The following SEMA3A variants were observed in gnomAD, a reference collection of about 807,000 sequenced individuals.
SEMA3A encodes the protein semaphorin-3A.
Under a neutral mutation model 97.9 loss-of-function variants are expected in SEMA3A, and 29 were observed. That is an observed-to-expected ratio of 0.30 (90% CI 0.22 to 0.40). The LOEUF is 0.40. Ranked by LOEUF, SEMA3A falls within the 10% of genes least tolerant of loss-of-function variation. The pLI, the probability that SEMA3A is intolerant of heterozygous loss-of-function variation, is 1.00. For synonymous variants in SEMA3A, 321 were observed against 323.7 expected, an observed-to-expected ratio of 0.99 and a Z score of 0.09; for missense variants, 763 against 951.3, an observed-to-expected ratio of 0.80 and a Z score of 2.60.
intron 3 of SEMA3A, among the ~76,000 whole-genome samples, chr7:84,112,527 A>C (rs1795305321): frequency 6.6e-6 from 1 of 152,210 alleles, no homozygotes; most frequent in Admixed American, 6.5e-5. Context: ...CTAATAAAAA[A>C]GGAAAAACAT....
intron 2 of SEMA3A, among the ~76,000 whole-genome samples, chr7:84,368,948 T>G (rs1244566060): frequency 4.0e-5 from 6 of 151,050 alleles, no homozygotes; most frequent in Admixed American, 3.3e-4. Flanking sequence ...TCATGAATCT[T>G]CAGTATAGAT....
chr7:84,010,668 C>T (rs1309987429), intron 9 of SEMA3A, among the ~76,000 whole-genome samples: 3 of 152,038 alleles, frequency 2.0e-5, no homozygotes, highest in African/African-American at 4.8e-5. Context: ...TTTTTCCATC[C>T]TTAATTTATA....
At chr7:83,981,603 C>T in intron 13 of SEMA3A, 125 bp from the exon 14 acceptor site, 2 of 835,202 alleles carry the variant, frequency 2.4e-6, no homozygotes, top group Non-Finnish European at 3.5e-6. Context: ...AAAATCATCC[C>T]TTTATTGCTA....
chr7:84,323,250 G>A (rs1162058249), intron 2 of SEMA3A, among the ~76,000 whole-genome samples: 1 of 152,110 alleles, frequency 6.6e-6, no homozygotes, highest in Non-Finnish European at 1.5e-5. Context: ...TAATATTTAT[G>A]TCAATCAAAA....
rs1042447827 is a variant in SEMA3A, at chr7:84,492,268, C to A, written c.-246+192G>T. On this transcript the variant is annotated intron_variant, in intron 1 of 3. Transcript: ENST00000424555. ...TTCCGAGACCTTCTGAATGAGGAGT[C>A]ACTTCAGGAGCATTTAAGTATTAAT... 4.6e-5 allele frequency among the ~76,000 whole-genome samples: 7 copies of A among 152,136 alleles called. No individual in the cohort carries two copies. The South Asian group carries it at 1.2e-3, about 27-fold the overall frequency.
intron 1 of SEMA3A, among the ~76,000 whole-genome samples, chr7:84,160,424 C>G (rs1040158323): frequency 5.3e-5 from 8 of 151,842 alleles, no homozygotes; most frequent in African/African-American, 1.9e-4. Flanking sequence ...GTAGCACATG[C>G]CTGTAGTCCC....
intron 3 of SEMA3A, among the ~76,000 whole-genome samples, chr7:84,249,439 T>C (rs1799556809): frequency 6.6e-6 from 1 of 151,010 alleles, no homozygotes; most frequent in Non-Finnish European, 1.5e-5. Flanking sequence ...TATATAGATA[T>C]ATACATATTT....
At chr7:84,244,026 A>G (rs1455008783) in intron 3 of SEMA3A, among the ~76,000 whole-genome samples, 1 of 152,144 alleles carries the variant, frequency 6.6e-6, no homozygotes, top group Non-Finnish European at 1.5e-5. Flanking sequence ...AATGTAGTCA[A>G]TTTTAGAATA....
chr7:84,304,493 C>T (rs555716194), intron 3 of SEMA3A, among the ~76,000 whole-genome samples: 4 of 151,848 alleles, frequency 2.6e-5, no homozygotes, highest in East Asian at 1.9e-4. Flanking sequence ...AATGGTTTTA[C>T]GAATAAGATG....
At chr7:84,077,102 T>G (rs1793980374) in intron 4 of SEMA3A, among the ~76,000 whole-genome samples, 1 of 152,112 alleles carries the variant, frequency 6.6e-6, no homozygotes, top group Non-Finnish European at 1.5e-5. Context: ...AATTCTATCT[T>G]GGCTAGAATG....
At chr7:84,347,769 C>G (rs770004728) in intron 2 of SEMA3A, among the ~76,000 whole-genome samples, 52 of 152,108 alleles carry the variant, frequency 3.4e-4, no homozygotes, top group Non-Finnish European at 5.6e-4. Context: ...CTCTATGATC[C>G]CTTTCTTATG....
intron 1 of SEMA3A, among the ~76,000 whole-genome samples, chr7:84,154,272 G>A (rs1194698538): frequency 1.3e-5 from 2 of 151,350 alleles, no homozygotes; most frequent in Non-Finnish European, 2.9e-5. Flanking sequence ...AAAATATTTG[G>A]GGGAAAATAG....
intron 1 of SEMA3A, among the ~76,000 whole-genome samples, chr7:84,148,719 A>G (rs1456633779): frequency 6.6e-6 from 1 of 152,150 alleles, no homozygotes; most frequent in Non-Finnish European, 1.5e-5. Flanking sequence ...CACCCCTAAC[A>G]CAGCAAGATG....
At chr7:84,215,359 TG>T (rs1434025757) in intron 3 of SEMA3A, among the ~76,000 whole-genome samples, 1 of 151,516 alleles carries the variant, frequency 6.6e-6, no homozygotes, top group Non-Finnish European at 1.5e-5. Flanking sequence ...CTAATTTTTT[TG>T]TATTTTTCAT....
At chr7:84,174,362 A>C (rs2116215438) in intron 1 of SEMA3A, among the ~76,000 whole-genome samples, 1 of 152,292 alleles carries the variant, frequency 6.6e-6, no homozygotes, top group Non-Finnish European at 1.5e-5. Context: ...CTGGAGTAAT[A>C]TTTGGATTTA....
chr7:83,981,296 C>G, intron 14 of SEMA3A, 25 bp downstream of exon 14: 1 of 1,609,614 alleles, frequency 6.2e-7, no homozygotes, highest in Non-Finnish European at 8.5e-7. Context: ...GCAAACATTT[C>G]ATTTATTTTG....
At chr7:84,449,455 C>T (rs1163218186) in intron 1 of SEMA3A, among the ~76,000 whole-genome samples, 1 of 151,910 alleles carries the variant, frequency 6.6e-6, no homozygotes, top group African/African-American at 2.4e-5. Context: ...AAAGAGAAAA[C>T]ACAAACTGCA....
chr7:84,365,209 G>A (rs1350029990), intron 2 of SEMA3A, among the ~76,000 whole-genome samples: 1 of 151,548 alleles, frequency 6.6e-6, no homozygotes. Flanking sequence ...AGTTACAAAA[G>A]TCTACGTGCC....
intron 1 of SEMA3A, among the ~76,000 whole-genome samples, chr7:84,476,513 T>C (rs1303844583): frequency 6.6e-6 from 1 of 152,118 alleles, no homozygotes; most frequent in Non-Finnish European, 1.5e-5. Context: ...CAGTGCTTAA[T>C]TGAAACAACA....
Sources: allele counts gnomAD v4.1 joint callset (sites outside exome capture counted in the v4.1 genomes callset), GRCh38; gene constraint gnomAD v4.1.1; transcripts MANE v1.5; gene names NCBI Gene and HGNC (gene_info 2026-07-23, HGNC 2026-07-21).